The following NDUFAB1 variants were observed in gnomAD, a reference collection of about 807,000 sequenced individuals.
NDUFAB1 encodes the protein acyl carrier protein, mitochondrial.
Under a neutral mutation model 16.1 loss-of-function variants are expected in NDUFAB1, and 5 were observed. The observed-to-expected ratio is 0.31, with a 90% confidence interval of 0.16 to 0.65. The LOEUF is 0.65. NDUFAB1 is among the 30% of genes least tolerant of loss of function. The pLI is 0.77. For synonymous variants in NDUFAB1, 85 were observed against 78.4 expected (o/e 1.08, Z -0.44); for missense variants, 187 against 205.3 (o/e 0.91, Z 0.54).
Position 23,585,330 on chromosome 16 carries a change from C to A in NDUFAB1, c.379+6G>T. ...CGCAGTGTGTAGATAGAAGACTGAG[C>A]CTTACCAAATTCGTCTTCCATGGCC... On this transcript the variant is annotated splice_donor_region_variant and intron_variant, in intron 3 of 4. Transcript: ENST00000007516. 1.2e-6 allele frequency: 2 copies of A among 1,602,898 alleles called. No homozygotes were observed. The highest frequency in any genetic ancestry group is 1.7e-6 in the Non-Finnish European group (2 of 1,169,754).
At chr16:23,595,222 T>TCAC (rs1567410341) in intron 1 of NDUFAB1, among the ~76,000 whole-genome samples, 3 of 152,044 alleles carry the variant, frequency 2.0e-5, no homozygotes, top group African/African-American at 4.8e-5. Context: ...TGAGCTGAGA[T>TCAC]CACGCCACTG....
intron 1 of NDUFAB1, among the ~76,000 whole-genome samples, chr16:23,588,842 G>A (rs1966254944): frequency 1.3e-5 from 2 of 152,128 alleles, no homozygotes; most frequent in African/African-American, 4.8e-5. Flanking sequence ...GCTGGGCGTG[G>A]TGGTGTGTGC....
chr16:23,589,709 C>T (rs1392785586), intron 1 of NDUFAB1, among the ~76,000 whole-genome samples: 1 of 137,044 alleles, frequency 7.3e-6, no homozygotes, highest in Non-Finnish European at 1.6e-5. Context: ...CCAAGGTGGG[C>T]GGATCTCTTG....
intron 3 of NDUFAB1, among the ~76,000 whole-genome samples, chr16:23,583,508 C>G (rs1966201439): frequency 6.6e-6 from 1 of 151,544 alleles, no homozygotes; most frequent in African/African-American, 2.4e-5. Flanking sequence ...CCCCACTGCC[C>G]CGTCTGGGAT....
At chr16:23,590,809 G>C (rs1436663207) in intron 1 of NDUFAB1, 1 of 152,002 alleles carries the variant, frequency 6.6e-6, no homozygotes, top group Non-Finnish European at 1.5e-5. Flanking sequence ...GCTAATTTCT[G>C]TATTTTTAGT....
At chr16:23,596,001 G>T in intron 1 of NDUFAB1, 122 bp downstream of exon 1, 2 of 1,212,862 alleles carry the variant, frequency 1.6e-6, no homozygotes, top group South Asian at 1.6e-5. Context: ...GCTGCGGAGC[G>T]AGCCGGCTGC....
intron 1 of NDUFAB1, among the ~76,000 whole-genome samples, chr16:23,590,584 C>T (rs552284364): frequency 4.6e-5 from 7 of 151,148 alleles, no homozygotes; most frequent in African/African-American, 1.5e-4. Flanking sequence ...TTGGCTGTAG[C>T]GTAGCCCCAA....
At chr16:23,582,147 G>T in intron 4 of NDUFAB1, 129 bp downstream of exon 4, 1 of 1,175,594 alleles carries the variant, frequency 8.5e-7, no homozygotes, top group Non-Finnish European at 1.1e-6. Context: ...CAACAGGAAA[G>T]GGCTTGCATT....
chr16:23,587,358 G>A lies in NDUFAB1; in HGVS notation c.169-39C>T, dbSNP rs760734456. The A allele has an allele frequency of 2.0e-5, 32 of 1,604,568 alleles. No individual in the cohort carries two copies. In the Admixed American group the frequency reaches 2.4e-4, roughly 12 times the overall value. ...AGGAAGGAAACACTGTCATTGAATGGAAAATACCTCTAAATCAATGCACAA... is the reference window on the plus strand; with the variant it reads ...AGGAAGGAAACACTGTCATTGAATGAAAAATACCTCTAAATCAATGCACAA... On this transcript the variant is annotated intron_variant, in intron 1 of 4. Transcript: ENST00000007516.
chr16:23,593,413 G>A (rs1966295983), intron 1 of NDUFAB1, among the ~76,000 whole-genome samples: 1 of 152,216 alleles, frequency 6.6e-6, no homozygotes. Context: ...CAATGAAGAT[G>A]TAAGCTAATG....
At chr16:23,589,126 C>T (rs921259368) in intron 1 of NDUFAB1, among the ~76,000 whole-genome samples, 4 of 151,582 alleles carry the variant, frequency 2.6e-5, no homozygotes, top group African/African-American at 7.3e-5. Flanking sequence ...GGAGAAACCC[C>T]GTCTCTACCA....
intron 1 of NDUFAB1, among the ~76,000 whole-genome samples, chr16:23,592,798 G>A (rs778013825): frequency 6.6e-6 from 1 of 152,178 alleles, no homozygotes; most frequent in Non-Finnish European, 1.5e-5. Flanking sequence ...GTAAATGAGT[G>A]ACTAGTTGCT....
intron 4 of NDUFAB1, 59 bp downstream of exon 4, chr16:23,582,217 C>T: frequency 7.3e-7 from 1 of 1,366,128 alleles, no homozygotes; most frequent in Non-Finnish European, 9.5e-7. Context: ...CTTAAGTTTC[C>T]TTTATTGAAG....
intron 3 of NDUFAB1, among the ~76,000 whole-genome samples, chr16:23,584,331 C>T (rs1048290316): frequency 5.0e-5 from 6 of 120,028 alleles, no homozygotes; most frequent in East Asian, 2.9e-4. Flanking sequence ...GGCAACCACC[C>T]GTGTACTTTC....
chr16:23,587,946 A>G (rs779491763), intron 1 of NDUFAB1, among the ~76,000 whole-genome samples: 18 of 152,320 alleles, frequency 1.2e-4, no homozygotes, highest in Middle Eastern at 3.4e-3. Flanking sequence ...CAGCCAAACC[A>G]TGAGCCCTTC....
intron 3 of NDUFAB1, among the ~76,000 whole-genome samples, chr16:23,584,960 T>C (rs1242802552): frequency 6.6e-6 from 1 of 152,232 alleles, no homozygotes; most frequent in African/African-American, 2.4e-5. Context: ...ACACATTACT[T>C]CTACCTGGTT....
intron 3 of NDUFAB1, among the ~76,000 whole-genome samples, chr16:23,583,706 C>T (rs1260463975): frequency 2.3e-5 from 3 of 128,000 alleles, no homozygotes; most frequent in Non-Finnish European, 5.0e-5. Context: ...GCAGCCGCCC[C>T]GTCTGGGAAG....
At chr16:23,588,909 A>C (rs1405388515) in intron 1 of NDUFAB1, among the ~76,000 whole-genome samples, 3 of 152,048 alleles carry the variant, frequency 2.0e-5, no homozygotes, top group Non-Finnish European at 4.4e-5. Flanking sequence ...ACCCAGACAG[A>C]GGTTGCAGTG....
intron 1 of NDUFAB1, among the ~76,000 whole-genome samples, chr16:23,589,046 T>C (rs1485091340): frequency 6.6e-6 from 1 of 152,080 alleles, no homozygotes; most frequent in Non-Finnish European, 1.5e-5. Context: ...ACACCTGTAA[T>C]TGCCACACTT....
Sources: gnomAD v4.1 joint callset for allele counts (sites outside exome capture counted in the v4.1 genomes callset) on GRCh38, gnomAD v4.1.1 for gene constraint, MANE v1.5 for transcripts, NCBI Gene and HGNC (gene_info 2026-07-23, HGNC 2026-07-21) for gene names.